The following PTCH1 variants were observed in gnomAD, a reference collection of about 807,000 sequenced individuals.
PTCH1 encodes patched 1.
Under a neutral mutation model 144.6 loss-of-function variants are expected in PTCH1, and 14 were observed. The observed-to-expected ratio is 0.10, with a 90% confidence interval of 0.06 to 0.15. The LOEUF (loss-of-function observed/expected upper bound fraction) is 0.15. Ranked by LOEUF, PTCH1 falls within the 10% of genes least tolerant of loss-of-function variation. The pLI, the probability that PTCH1 is intolerant of heterozygous loss-of-function variation, is 1.00. For synonymous variants in PTCH1, 833 were observed against 793.6 expected (o/e 1.05, Z -0.83); for missense variants, 1,623 against 1,948.3 (o/e 0.83, Z 3.14).
chr9:95,500,913 T>C lies in PTCH1; in HGVS notation c.394+5494A>G, dbSNP rs1843103243. On this transcript the variant is annotated intron_variant, in intron 2 of 23. Transcript: ENST00000331920. ...CCCCCCACCAAAAGGTACCCAAATATAAATTATTTCTTTCTTCCATGGCCT... is the reference window on the plus strand; with the variant it reads ...CCCCCCACCAAAAGGTACCCAAATACAAATTATTTCTTTCTTCCATGGCCT... Among the ~76,000 whole-genome samples the C allele has an allele frequency of 2.0e-5, 3 of 152,178 alleles. 1 individual carries two copies. The South Asian group carries it at 6.2e-4, about 32-fold the overall frequency.
At chr9:95,465,429 A>T (rs1181188282) in intron 15 of PTCH1, among the ~76,000 whole-genome samples, 1 of 152,308 alleles carries the variant, frequency 6.6e-6, no homozygotes, top group African/African-American at 2.4e-5. Flanking sequence ...TATCCCAAAA[A>T]CCATTGCTTT....
At chr9:95,453,238 T>C (rs1838626442) in intron 20 of PTCH1, 1 of 501,106 alleles carries the variant, frequency 2.0e-6, no homozygotes, top group Non-Finnish European at 3.7e-6. Context: ...GTTCGAGCAA[T>C]TCTCTGCCTC....
At chr9:95,514,773 A>G (rs2118949355) in intron 1 of PTCH1, among the ~76,000 whole-genome samples, 1 of 152,346 alleles carries the variant, frequency 6.6e-6, no homozygotes, top group South Asian at 2.1e-4. Flanking sequence ...TTCTTTTCAG[A>G]AAATAATTCC....
At chr9:95,459,811 T>C in intron 16 of PTCH1, 28 bp from the exon 17 acceptor site, 2 of 1,612,316 alleles carry the variant, frequency 1.2e-6, no homozygotes, top group South Asian at 1.1e-5. Context: ...ACAGAGGCCT[T>C]TGAGAATGGG....
At position 95,476,801 on chromosome 9, in the gene PTCH1, G is replaced by A. The variant is rs952270018; in HGVS notation, c.1560C>T (p.His520=). Reference sequence around the variant, plus strand: ...TATTCTGTCCTGTTTCACTGAAGGCGTGGGCCAGAAGAAAAACATCATCCA... The same window carrying A: ...TATTCTGTCCTGTTTCACTGAAGGCATGGGCCAGAAGAAAAACATCATCCA... The part of the protein sequence containing the change: ...VGVDDVFLLA[H]AFSETGQNKR... Residue 520 remains histidine (H), a synonymous_variant, in exon 11 of 24, where the codon CAC becomes CAT. Transcript: ENST00000331920. This position sits in a 1 kb window ranked among gnomAD's most constrained non-coding sequence, Gnocchi z 4.6. 28 of 1,613,960 alleles carry A rather than the reference G, an allele frequency of 1.7e-5. No individual in the cohort carries two copies. Among genetic ancestry groups the A allele is most frequent in the African/African-American group, 2.7e-5 (2 of 74,924 alleles).
intron 20 of PTCH1, chr9:95,453,249 A>G (rs1838628044): frequency 1.9e-6 from 1 of 530,532 alleles, no homozygotes; most frequent in African/African-American, 1.9e-5. Flanking sequence ...TCTCTGCCTC[A>G]GCCTCCCAAG....
chr9:95,471,384 A>C lies in PTCH1; in HGVS notation c.1729-1453T>G, dbSNP rs866098463. On this transcript the variant is annotated intron_variant, in intron 12 of 23. Coordinates refer to ENST00000331920, the MANE Select transcript of PTCH1 (RefSeq NM_000264.5). ...ACCTCTTTCTTCTTGGTCTATCTTGAAAATCCTTCATCAACTGAAAAATAT... is the reference window on the plus strand; with the variant it reads ...ACCTCTTTCTTCTTGGTCTATCTTGCAAATCCTTCATCAACTGAAAAATAT... Among the ~76,000 whole-genome samples, 3 of 152,328 alleles carry C rather than the reference A, an allele frequency of 2.0e-5. No homozygotes were observed. In the South Asian group the frequency reaches 6.2e-4, roughly 32 times the overall value.
chr9:95,483,964 A>G (rs1195764173), intron 3 of PTCH1: 7 of 152,228 alleles, frequency 4.6e-5, no homozygotes, highest in Non-Finnish European at 1.0e-4. Flanking sequence ...TCATAACTGC[A>G]TGAACTTGGA....
chr9:95,481,264 C>A (rs1400385914), intron 5 of PTCH1, among the ~76,000 whole-genome samples: 2 of 152,224 alleles, frequency 1.3e-5, no homozygotes, highest in Admixed American at 6.5e-5. Context: ...CCTTATTTCC[C>A]ATCTAAAACT....
chr9:95,452,984 C>T (rs1838596744), intron 20 of PTCH1: 1 of 238,184 alleles, frequency 4.2e-6, no homozygotes, highest in South Asian at 6.2e-5. Context: ...TCAAGATACT[C>T]CCCAAGACAG....
chr9:95,448,883 C>G (rs191680130), intron 22 of PTCH1, among the ~76,000 whole-genome samples, 186 bp downstream of exon 22: 2 of 152,178 alleles, frequency 1.3e-5, no homozygotes, highest in African/African-American at 4.8e-5. Flanking sequence ...AGGAAGATGG[C>G]ATTTGTATAG....
At chr9:95,487,472 C>T (rs1365361684) in intron 2 of PTCH1, among the ~76,000 whole-genome samples, 1 of 152,204 alleles carries the variant, frequency 6.6e-6, no homozygotes, top group Non-Finnish European at 1.5e-5. Context: ...TCTGCAAGCC[C>T]TGGGAAAGCT....
intron 18 of PTCH1, 131 bp from the exon 19 acceptor site, chr9:95,456,544 T>A: frequency 4.0e-6 from 5 of 1,247,508 alleles, no homozygotes; most frequent in Non-Finnish European, 5.6e-6. Flanking sequence ...TTGCTTTAAC[T>A]CTGGACACTG....
intron 12 of PTCH1, 23 bp from the exon 13 acceptor site, chr9:95,469,954 G>C (rs760631958): frequency 1.2e-5 from 19 of 1,563,682 alleles, no homozygotes; most frequent in Non-Finnish European, 1.4e-5. Context: ...AAAAAATTCA[G>C]AGGTCACCAA....
At chr9:95,447,526 T>TC in intron 22 of PTCH1, 75 bp from the exon 23 acceptor site, 1 of 1,429,794 alleles carries the variant, frequency 7.0e-7, no homozygotes, top group South Asian at 1.4e-5. Context: ...CACACTTCCC[T>TC]CCTTGGGTTT....
chr9:95,508,064 AG>A, intron 1 of PTCH1, 96 bp downstream of exon 1: 1 of 1,571,310 alleles, frequency 6.4e-7, no homozygotes, highest in African/African-American at 1.3e-5. Context: ...TGTGTGAGAG[AG>A]AGAGGAAGAG....
chr9:95,480,003 C>T lies in PTCH1; in HGVS notation c.1033G>A (p.Gly345Ser), dbSNP rs750628569. ...TTTCCAGTGCTGTTCTTGACTGTGC[C>T]ACCCACAATCAACTCCTCCTGCCAG... ...MHWQEELIVG[G>S]TVKNSTGKLV... The change falls in exon 7 of 24, where the codon GGC (glycine) becomes AGC (serine). Residue 345 changes from glycine (G) to serine (S), a missense_variant. Around this residue, in one of 7 missense-constraint regions of PTCH1, gnomAD observed 230 missense variants for 271.0 expected, o/e 0.85. Transcript: ENST00000331920. The T allele has an allele frequency of 6.2e-7, 1 of 1,614,084 alleles. No homozygotes were observed. The highest frequency in any genetic ancestry group is 8.5e-7 in the Non-Finnish European group (1 of 1,180,030).
rs1365808641 is a variant in PTCH1 at position 95,446,696 on chromosome 9, G to A, written c.*1+215C>T. The A allele has an allele frequency of 6.4e-5, 41 of 642,968 alleles. No individual in the cohort carries two copies. In the East Asian group the frequency reaches 8.7e-4, roughly 14 times the overall value. The allele number at this position is 642,968 out of a possible 1,614,324, so 39.8% of individuals were successfully genotyped here. On this transcript the variant is annotated intron_variant, in intron 23 of 23. Transcript: ENST00000331920. ...CACCGACCCTCCGCAGGTTAGCAGTGGGGGAAGAGAGCAGTGTGGAGCTGG... is the reference window on the plus strand; with the variant it reads ...CACCGACCCTCCGCAGGTTAGCAGTAGGGGAAGAGAGCAGTGTGGAGCTGG...
chr9:95,482,278 C>A, intron 3 of PTCH1, 75 bp from the exon 4 acceptor site: 1 of 1,403,044 alleles, frequency 7.1e-7, no homozygotes, highest in Non-Finnish European at 1.0e-6. Context: ...AATGATAGAA[C>A]ATATAAAAAG....
Sources: allele counts gnomAD v4.1 joint callset (sites outside exome capture counted in the v4.1 genomes callset), GRCh38; gene constraint gnomAD v4.1.1; regional missense constraint gnomAD v4.1.1; non-coding constraint Gnocchi (gnomAD v3.1); transcripts MANE v1.5; gene names NCBI Gene and HGNC (gene_info 2026-07-23, HGNC 2026-07-21).